Variants in ISM1 observed in about 807,000 individuals in gnomAD.
ISM1 encodes isthmin 1, also known as isthmin-1.
In ISM1, 25 loss-of-function variants were observed where a neutral mutation model predicts 46.3. The ratio of observed to expected loss-of-function variants is 0.54; its 90% CI spans 0.39 to 0.75. The LOEUF (loss-of-function observed/expected upper bound fraction) is 0.75, where lower values mean the gene tolerates loss of function less well. Ranked by LOEUF, ISM1 falls within the 30% of genes least tolerant of loss-of-function variation. ISM1 has a pLI of 0.00. For missense variants in ISM1, 536 were observed against 625.4 expected (o/e 0.86, Z 1.52); for synonymous variants, 255 against 256.7 (o/e 0.99, Z 0.06).
intron 1 of ISM1, among the ~76,000 whole-genome samples, chr20:13,244,588 T>C (rs2039772141): frequency 6.6e-6 from 1 of 152,230 alleles, no homozygotes; most frequent in African/African-American, 2.4e-5. Context: ...TTATTTAGCA[T>C]GAAGGCTTAT....
intron 5 of ISM1, among the ~76,000 whole-genome samples, chr20:13,294,739 CTA>C (rs1288419566): frequency 1.4e-4 from 21 of 152,190 alleles, no homozygotes; most frequent in Admixed American, 1.4e-3. Flanking sequence ...CAGCCACAGC[CTA>C]TCCCAGCTGG....
At chr20:13,325,643 A>G in the ISM1 span, among the ~76,000 whole-genome samples, 1 of 152,208 alleles carries the variant, frequency 6.6e-6, no homozygotes, top group East Asian at 1.9e-4. Context: ...GAAGAAAGCC[A>G]GATCCAGAAT....
chr20:13,308,776 T>A, the ISM1 span, among the ~76,000 whole-genome samples: 2 of 152,206 alleles, frequency 1.3e-5, no homozygotes, highest in African/African-American at 4.8e-5. Context: ...ACCCCCAAAG[T>A]TATGATATTC....
In ISM1 at chr20:13,288,654, C is replaced by G. The variant is rs774024040; in HGVS notation, c.758C>G (p.Ser253Trp). The change falls in exon 4 of 6, where the codon TCG becomes TGG. Residue 253 changes from serine to tryptophan, a missense_variant. By Grantham distance (177) the Ser-to-Trp change is radical. This residue lies in a region of ISM1 where 367 missense variants were observed against 376.1 expected (regional missense o/e 0.98). Transcript: ENST00000262487. ...SCGYACTATE[S>W]RTCDRPNCPG... ...GGCTACGCGTGCACTGCAACAGAAT[C>G]GAGGACCTGTGACCGTCCAAACTGC... is the stretch of plus-strand genomic sequence containing the variant. The G allele has an allele frequency of 2.0e-5, 32 of 1,613,812 alleles. No individual in the cohort carries two copies. The highest frequency in any genetic ancestry group is 4.2e-6 in the Non-Finnish European group (5 of 1,179,858).
At chr20:13,278,873 T>C (rs1353773206) in intron 2 of ISM1, among the ~76,000 whole-genome samples, 2 of 152,330 alleles carry the variant, frequency 1.3e-5, no homozygotes, top group East Asian at 1.9e-4. Flanking sequence ...TTCTCCTCCA[T>C]GCAGCCTCTC....
chr20:13,295,368 C>T (rs1568691024), intron 5 of ISM1, among the ~76,000 whole-genome samples: 1 of 152,186 alleles, frequency 6.6e-6, no homozygotes, highest in Non-Finnish European at 1.5e-5. Context: ...CTAAACTGAA[C>T]AAGATTGCCA....
At chr20:13,276,677 C>A (rs1568682786) in intron 2 of ISM1, among the ~76,000 whole-genome samples, 1 of 152,054 alleles carries the variant, frequency 6.6e-6, no homozygotes, top group Non-Finnish European at 1.5e-5. Flanking sequence ...GTTTGGAAAT[C>A]TGTGCTCACT....
At chr20:13,245,818 T>C (rs887572547) in intron 1 of ISM1, among the ~76,000 whole-genome samples, 1 of 152,222 alleles carries the variant, frequency 6.6e-6, no homozygotes, top group Admixed American at 6.5e-5. Context: ...AAACAGATAC[T>C]GAGGAACTCC....
intron 1 of ISM1, among the ~76,000 whole-genome samples, chr20:13,250,447 A>C (rs1055349495): frequency 6.6e-6 from 1 of 152,190 alleles, no homozygotes; most frequent in African/African-American, 2.4e-5. Flanking sequence ...GCAGGAAAAG[A>C]GCGAGTAATG....
intron 1 of ISM1, among the ~76,000 whole-genome samples, chr20:13,269,016 T>C (rs1054530080): frequency 1.3e-5 from 2 of 152,210 alleles, no homozygotes; most frequent in African/African-American, 4.8e-5. Context: ...CTCAGTGCTC[T>C]TGACCTTGGG....
At chr20:13,303,088 T>C (rs2040472356), downstream of ISM1, among the ~76,000 whole-genome samples, 1 of 152,176 alleles carries the variant, frequency 6.6e-6, no homozygotes, top group African/African-American at 2.4e-5. Context: ...ATCCAGTCTA[T>C]AGATAAGGAA....
chr20:13,270,616 C>G lies in ISM1; in HGVS notation c.251C>G (p.Pro84Arg), dbSNP rs746769306. Residue 84 changes from proline to arginine, a missense_variant, in exon 2 of 6, where the codon CCG (proline) becomes CGG (arginine). By Grantham distance (103) the Pro-to-Arg change is moderately radical (BLOSUM62 -2). Transcript: ENST00000262487. ...HQAAHQPFPR[P>R]RFRQETGHPS... is the part of the protein sequence containing the mutation. ...GCTGCACACCAACCCTTCCCCAGAC[C>G]GCGATTCCGACAAGAGACGGGGCAC... The G allele has an allele frequency of 6.2e-7, 1 of 1,613,816 alleles. No individual in the cohort carries two copies. Among genetic ancestry groups the G allele is most frequent in the Non-Finnish European group, 8.5e-7 (1 of 1,179,884 alleles).
At chr20:13,324,974 T>G in the ISM1 span, among the ~76,000 whole-genome samples, 1 of 152,234 alleles carries the variant, frequency 6.6e-6, no homozygotes, top group African/African-American at 2.4e-5. Context: ...AGAAAATATT[T>G]GTTTCTTTTC....
chr20:13,238,465 C>A (rs1187994869), intron 1 of ISM1, among the ~76,000 whole-genome samples: 2 of 152,032 alleles, frequency 1.3e-5, no homozygotes, highest in Non-Finnish European at 2.9e-5. Context: ...GGGTTGGGGC[C>A]AAATTAAACT....
At chr20:13,252,605 A>G (rs1157629512) in intron 1 of ISM1, among the ~76,000 whole-genome samples, 1 of 152,028 alleles carries the variant, frequency 6.6e-6, no homozygotes, top group Non-Finnish European at 1.5e-5. Flanking sequence ...ACAAAAATAC[A>G]TTAGCTGGGT....
chr20:13,225,428 T>C (rs565949018), intron 1 of ISM1, among the ~76,000 whole-genome samples: 2 of 152,216 alleles, frequency 1.3e-5, no homozygotes, highest in East Asian at 1.9e-4. Flanking sequence ...CTATGACATA[T>C]ATGTATATAT....
chr20:13,322,858 G>C, the ISM1 span, among the ~76,000 whole-genome samples: 3 of 152,086 alleles, frequency 2.0e-5, no homozygotes, highest in Admixed American at 6.6e-5. Flanking sequence ...ATCTGGATAA[G>C]CTCACACCTC....
At chr20:13,270,012 A>G (rs1051391528) in intron 1 of ISM1, among the ~76,000 whole-genome samples, 1 of 152,090 alleles carries the variant, frequency 6.6e-6, no homozygotes, top group Non-Finnish European at 1.5e-5. Flanking sequence ...AGACAAATGG[A>G]CAGACAAATG....
chr20:13,306,498 T>G, the ISM1 span, among the ~76,000 whole-genome samples: 3 of 150,892 alleles, frequency 2.0e-5, no homozygotes, highest in Non-Finnish European at 2.9e-5. Flanking sequence ...TTTGGTGGTG[T>G]TTTTTGTTTG....
Sources: allele counts gnomAD v4.1 joint callset (sites outside exome capture counted in the v4.1 genomes callset), GRCh38; gene constraint gnomAD v4.1.1; regional missense constraint gnomAD v4.1.1; transcripts MANE v1.5; gene names NCBI Gene and HGNC (gene_info 2026-07-23, HGNC 2026-07-21).